LDB2: variants seen among roughly 807,000 people sequenced by gnomAD.
LDB2 encodes LIM domain binding 2, also known as LIM domain-binding protein 2.
LDB2 carries 12 observed loss-of-function variants against 44.3 expected under a neutral mutation model. The observed-to-expected ratio is 0.27, with a 90% CI of 0.17 to 0.44. The LOEUF is 0.44. Among genes scored for constraint, LDB2 ranks in the 20% least tolerant of loss-of-function variants. The probability of loss-of-function intolerance (pLI) is 1.00; values close to 1 mark genes in which losing one functional copy is unlikely to be tolerated. For missense variants in LDB2, 344 were observed against 473.5 expected (o/e 0.73, Z 2.54); for synonymous variants, 164 against 174.8 (o/e 0.94, Z 0.49).
intron 2 of LDB2, among the ~76,000 whole-genome samples, chr4:16,644,679 C>A (rs1176549265): frequency 6.6e-6 from 1 of 152,176 alleles, no homozygotes; most frequent in Admixed American, 6.5e-5. Flanking sequence ...ATCCACCTGC[C>A]TTGGCCTCCC....
At chr4:16,503,310 A>G (rs1718037339) in intron 7 of LDB2, among the ~76,000 whole-genome samples, 1 of 152,158 alleles carries the variant, frequency 6.6e-6, no homozygotes, top group African/African-American at 2.4e-5. Context: ...CAGTGACCGG[A>G]GACACACGTA....
intron 2 of LDB2, among the ~76,000 whole-genome samples, chr4:16,724,812 G>T (rs150397610): frequency 6.6e-6 from 1 of 152,132 alleles, no homozygotes; most frequent in Admixed American, 6.6e-5. Flanking sequence ...AAACAATTCC[G>T]AAAGAAGTTT....
chr4:16,732,692 A>C (rs574239378), intron 2 of LDB2, among the ~76,000 whole-genome samples: 10 of 152,224 alleles, frequency 6.6e-5, no homozygotes, highest in Non-Finnish European at 1.0e-4. Flanking sequence ...TTTTGATGAG[A>C]GATAGCTGAG....
Position 16,668,997 on chromosome 4 carries a change from C to T in LDB2, c.236-73122G>A, listed in dbSNP as rs1201642819. Among the ~76,000 whole-genome samples the T allele has an allele frequency of 2.0e-5, 3 of 152,156 alleles. No individual in the cohort carries two copies. In the East Asian group the frequency reaches 5.8e-4, roughly 29 times the overall value. On this transcript the variant is annotated intron_variant, in intron 2 of 7. Transcript: ENST00000304523. ...CTTGGGTCACATGCTCATCTCTATA[C>T]TAGGAAATGGGGTCAATCCCCCTGA...
Position 16,782,366 on chromosome 4 carries a change from T to C in LDB2, c.133-23106A>G, listed in dbSNP as rs577405291. 3.3e-3 allele frequency among the ~76,000 whole-genome samples: 495 copies of C among 152,142 alleles called. 3 individuals are homozygous for C. The highest frequency in any genetic ancestry group is 0.011 in the African/African-American group (460 of 41,500). ...TAAAATAAATACTTTTTTTTTTTTT[T>C]TTGAGACGGAGTCTTGCTCTGTCTC... On this transcript the variant is annotated intron_variant, in intron 1 of 7. Transcript: ENST00000304523.
At chr4:16,831,174 C>CT (rs370309653) in intron 1 of LDB2, among the ~76,000 whole-genome samples, 49,244 of 126,410 alleles carry the variant, frequency 0.39, 10,173 homozygotes, top group East Asian at 0.59. Context: ...CCTCTCTGAG[C>CT]TTTTTTTTTT....
At chr4:16,895,591 T>C (rs539810287) in intron 1 of LDB2, among the ~76,000 whole-genome samples, 26 of 151,994 alleles carry the variant, frequency 1.7e-4, no homozygotes, top group Admixed American at 5.2e-4. Flanking sequence ...AATGAAATAA[T>C]ACTATATACT....
chr4:16,658,743 C>A (rs1463869185), intron 2 of LDB2, among the ~76,000 whole-genome samples: 1 of 152,136 alleles, frequency 6.6e-6, no homozygotes, highest in Non-Finnish European at 1.5e-5. Flanking sequence ...TTTAAGCATC[C>A]ACCCATGTAG....
intron 1 of LDB2, among the ~76,000 whole-genome samples, chr4:16,840,213 G>C (rs1289146230): frequency 6.6e-6 from 1 of 152,106 alleles, no homozygotes; most frequent in Non-Finnish European, 1.5e-5. Context: ...GCAAACTCAG[G>C]CACTGAGCCC....
chr4:16,748,007 T>C (rs1259343054), intron 2 of LDB2, among the ~76,000 whole-genome samples: 1 of 152,204 alleles, frequency 6.6e-6, no homozygotes, highest in Non-Finnish European at 1.5e-5. Context: ...TCAGACATAA[T>C]GTATTTTTTA....
intron 1 of LDB2, among the ~76,000 whole-genome samples, chr4:16,876,410 T>C (rs2110389465): frequency 6.6e-6 from 1 of 152,340 alleles, no homozygotes; most frequent in Middle Eastern, 3.4e-3. Context: ...AGCTAGAGCC[T>C]GGAGTTTAAA....
chr4:16,865,919 C>T (rs573027156), intron 1 of LDB2, among the ~76,000 whole-genome samples: 3 of 152,302 alleles, frequency 2.0e-5, no homozygotes, highest in Admixed American at 2.0e-4. Context: ...AGGGTTCCTG[C>T]CTCAGCTTCC....
intron 2 of LDB2, among the ~76,000 whole-genome samples, chr4:16,610,263 G>C (rs1725234554): frequency 6.6e-6 from 1 of 152,042 alleles, no homozygotes; most frequent in African/African-American, 2.4e-5. Context: ...GAAAGTATCA[G>C]TGAAAAAATG....
rs553571583 is a variant in LDB2 at position 16,798,013 on chromosome 4, C to T, written c.133-38753G>A. ...TCATGCCACTGCACTCCAGCCTGGG[C>T]GACAGAGCAAGACTCTGTCTCGAAA... On this transcript the variant is annotated intron_variant, in intron 1 of 7. Transcript: ENST00000304523. Among the ~76,000 whole-genome samples the T allele has an allele frequency of 5.7e-4, 80 of 139,668 alleles. 1 individual carries two copies. The South Asian group carries it at 0.014, about 25-fold the overall frequency. 91.6% of individuals were successfully genotyped at this position (139,668 alleles called of 152,430 possible). A position where few individuals can be genotyped will look rare whatever the true frequency, so the allele number is the denominator to read the frequency against.
At chr4:16,837,040 C>G (rs1411602334) in intron 1 of LDB2, among the ~76,000 whole-genome samples, 1 of 152,162 alleles carries the variant, frequency 6.6e-6, no homozygotes, top group East Asian at 1.9e-4. Context: ...GGTTGCTAGT[C>G]CAGGTCTGTG....
intron 2 of LDB2, among the ~76,000 whole-genome samples, chr4:16,677,646 A>G (rs559868188): frequency 1.3e-5 from 2 of 152,326 alleles, no homozygotes; most frequent in Non-Finnish European, 2.9e-5. Flanking sequence ...TCCAGAACAT[A>G]TATTGTTTTT....
chr4:16,798,338 A>G (rs1777133134), intron 1 of LDB2, among the ~76,000 whole-genome samples: 2 of 152,188 alleles, frequency 1.3e-5, no homozygotes, highest in African/African-American at 4.8e-5. Flanking sequence ...ACACAACTGG[A>G]TAACTATGGG....
At chr4:16,560,772 A>G (rs2152378045) in intron 5 of LDB2, among the ~76,000 whole-genome samples, 1 of 152,316 alleles carries the variant, frequency 6.6e-6, no homozygotes, top group East Asian at 1.9e-4. Context: ...CAAAAAAGAG[A>G]ATTTTAGACC....
intron 1 of LDB2, among the ~76,000 whole-genome samples, chr4:16,809,427 T>C (rs1779364115): frequency 6.6e-6 from 1 of 152,202 alleles, no homozygotes; most frequent in African/African-American, 2.4e-5. Context: ...TCTGCCGGTA[T>C]GGTCTCGAGC....
Sources: gnomAD v4.1 joint callset for allele counts (sites outside exome capture counted in the v4.1 genomes callset) on GRCh38, gnomAD v4.1.1 for gene constraint, MANE v1.5 for transcripts, NCBI Gene and HGNC (gene_info 2026-07-23, HGNC 2026-07-21) for gene names.